The following DSG4 variants were observed in gnomAD, a reference collection of about 807,000 sequenced individuals.
DSG4 encodes the protein desmoglein-4.
Under a neutral mutation model 93.1 loss-of-function variants are expected in DSG4, and 87 were observed. The ratio of observed to expected loss-of-function variants is 0.93; its 90% confidence interval spans 0.79 to 1.12. DSG4 has a LOEUF of 1.12. Among genes scored for constraint, DSG4 ranks in the 50% most tolerant of loss-of-function variants. The pLI is 0.00. For missense variants in DSG4, 1,373 were observed against 1,285.7 expected, an observed-to-expected ratio of 1.07 and a Z score of -1.04; for synonymous variants, 432 against 452.9, an observed-to-expected ratio of 0.95 and a Z score of 0.59.
intron 7 of DSG4, 104 bp from the exon 8 acceptor site, chr18:31,392,051 A>G (rs1231024800): frequency 1.8e-6 from 2 of 1,100,872 alleles, no homozygotes; most frequent in African/African-American, 1.6e-5. Context: ...TGCAAAAATC[A>G]TCGACATAGT....
At position 31,413,264 on chromosome 18, in the gene DSG4, C is replaced by T. The variant is rs766664693; in HGVS notation, c.2792C>T (p.Pro931Leu). 3.7e-6 allele frequency: 6 copies of T among 1,613,984 alleles called. No homozygotes were observed. In the South Asian group the frequency reaches 5.5e-5, roughly 15 times the overall value. ...ATTATTTTTGATCCTCAGCTTGCAC[C>T]CAATGTTGTAGTAACCGAAGCAGTA... ...TTIIFDPQLA[P>L]NVVVTEAVMA... The change falls in exon 16 of 16, where the codon CCC becomes CTC. Residue 931 changes from proline to leucine, a missense_variant. Transcript: ENST00000308128.
intron 4 of DSG4, 25 bp from the exon 5 acceptor site, chr18:31,388,849 A>G (rs779152664): frequency 1.9e-6 from 3 of 1,613,136 alleles, no homozygotes; most frequent in African/African-American, 2.7e-5. Context: ...GTGGAAAAAG[A>G]TGGCTTTTTT....
At chr18:31,384,552 A>G (rs1268528418) in intron 1 of DSG4, among the ~76,000 whole-genome samples, 1 of 152,204 alleles carries the variant, frequency 6.6e-6, no homozygotes, top group African/African-American at 2.4e-5. Flanking sequence ...TTCAAGGAGT[A>G]ATAGGAGTAA....
intron 3 of DSG4, 129 bp downstream of exon 3, chr18:31,386,948 T>C (rs982980952): frequency 6.7e-5 from 97 of 1,445,142 alleles, no homozygotes; most frequent in Non-Finnish European, 9.0e-5. Flanking sequence ...TTTGCTCCAG[T>C]TGCTGAGCCA....
In DSG4 at chr18:31,413,513, G is replaced by A. The variant is rs1343786926; in HGVS notation, c.3041G>A (p.Gly1014Asp). 1 of 1,613,904 alleles carries A rather than the reference G, an allele frequency of 6.2e-7. No homozygotes were observed. The highest frequency in any genetic ancestry group is 8.5e-7 in the Non-Finnish European group (1 of 1,179,968). The change falls in exon 16 of 16, where the codon GGC becomes GAC. Residue 1014 changes from glycine to aspartate, a missense_variant. Physicochemically the swap from Gly to Asp is moderately conservative, Grantham distance 94 (BLOSUM62 -1). Transcript: ENST00000308128. ...ATGATGAGTCCAGACCTTCCCATAG[G>A]CCAAACCGTTGGCTCCACATCCCCC... ...MQMMSPDLPI[G>D]QTVGSTSPMT...
At chr18:31,412,532 T>C (rs369602291) in intron 15 of DSG4, among the ~76,000 whole-genome samples, 1 of 152,256 alleles carries the variant, frequency 6.6e-6, no homozygotes, top group East Asian at 1.9e-4. Flanking sequence ...TTATCTCATA[T>C]TTCAGTCGGC....
Position 31,390,636 on chromosome 18 carries a change from A to G in DSG4, c.518-20A>G. On this transcript the variant is annotated intron_variant, in intron 5 of 15. Transcript: ENST00000308128. ...ATTCTAAGAGTCCCAACCATTCTCC[A>G]CCTCCATTTCTATTTCTAGATACAT... 6.2e-7 allele frequency: 1 copy of G among 1,613,018 alleles called. No individual in the cohort carries two copies. Among genetic ancestry groups the G allele is most frequent in the African/African-American group, 1.3e-5 (1 of 74,966 alleles).
At chr18:31,407,029 G>T (rs896938100) in intron 12 of DSG4, among the ~76,000 whole-genome samples, 4 of 151,964 alleles carry the variant, frequency 2.6e-5, no homozygotes, top group Non-Finnish European at 5.9e-5. Context: ...ACCTGCCTTG[G>T]GCTCCCAAAG....
chr18:31,414,424 T>C lies in DSG4; in HGVS notation c.*829T>C, dbSNP rs1031487718. On this transcript the variant is annotated 3_prime_UTR_variant, in exon 16 of 16. Transcript: ENST00000308128. ...TGAAATATGGCTTAACCAATTTCAT[T>C]GACCTGAATCGTAGAGCTTTCAATT... 4 of 152,206 alleles carry C rather than the reference T, an allele frequency of 2.6e-5. No homozygotes were observed. Among genetic ancestry groups the C allele is most frequent in the African/African-American group, 4.8e-5 (2 of 41,462 alleles). The allele number at this position is 152,206 out of a possible 1,614,324, so 9.4% of individuals were successfully genotyped here.
At chr18:31,409,153 C>A (rs760324866) in intron 12 of DSG4, among the ~76,000 whole-genome samples, 1 of 152,134 alleles carries the variant, frequency 6.6e-6, no homozygotes, top group Non-Finnish European at 1.5e-5. Context: ...CCAACCAGTT[C>A]AAGAGTCTTA....
chr18:31,400,502 G>C (rs112451534), intron 9 of DSG4, among the ~76,000 whole-genome samples: 1 of 151,564 alleles, frequency 6.6e-6, no homozygotes, highest in Non-Finnish European at 1.5e-5. Context: ...CAACATAGCT[G>C]AAAAGCCACA....
intron 8 of DSG4, among the ~76,000 whole-genome samples, chr18:31,393,498 G>A (rs185724359): frequency 6.6e-6 from 1 of 152,284 alleles, no homozygotes; most frequent in East Asian, 1.9e-4. Flanking sequence ...AAGGGCAGTA[G>A]CAGAAGAGAG....
chr18:31,401,356 G>T (rs750619341), intron 10 of DSG4, among the ~76,000 whole-genome samples: 10 of 152,132 alleles, frequency 6.6e-5, no homozygotes, highest in Non-Finnish European at 1.5e-4. Context: ...TAAAGTAAGG[G>T]CTACGTGCTC....
rs1460597 is a variant in DSG4 at position 31,386,555 on chromosome 18, G to C, written c.85-133G>C. 1,003,763 of 1,344,086 alleles carry C rather than the reference G, an allele frequency of 0.75. 378,039 individuals are homozygous for C. Among genetic ancestry groups the C allele is most frequent in the East Asian group, 0.92 (36,319 of 39,614 alleles). 83.3% of individuals were successfully genotyped at this position (1,344,086 alleles called of 1,614,324 possible). Reference sequence around the variant, plus strand: ...ATCTATCTATCCAGAGTTGTGAATTGGTGAAAACATTCTCTGTTCTTCAAA... The same window carrying C: ...ATCTATCTATCCAGAGTTGTGAATTCGTGAAAACATTCTCTGTTCTTCAAA... On this transcript the variant is annotated intron_variant, in intron 2 of 15. Transcript: ENST00000308128.
chr18:31,413,554 A>G lies in DSG4; in HGVS notation c.3082A>G (p.Arg1028Gly), dbSNP rs1228209819. The change falls in exon 16 of 16, where the codon AGA becomes GGA. Residue 1028 changes from arginine (R) to glycine (G), a missense_variant. Physicochemically the swap from Arg to Gly is moderately radical, Grantham distance 125. Coordinates refer to ENST00000308128, the MANE Select transcript of DSG4 (RefSeq NM_177986.5). ...GSTSPMTSRH[R>G]VTRYSNIHYT... is the part of the protein sequence containing the mutation. Reference sequence around the variant, plus strand: ...CACATCCCCCATGACATCTCGACACAGAGTAACACGATACAGTAACATACA... The same window carrying G: ...CACATCCCCCATGACATCTCGACACGGAGTAACACGATACAGTAACATACA... 6.2e-7 allele frequency: 1 copy of G among 1,614,116 alleles called. No individual in the cohort carries two copies.
At chr18:31,392,397 T>C in intron 8 of DSG4, 57 bp downstream of exon 8, 1 of 1,560,932 alleles carries the variant, frequency 6.4e-7, no homozygotes, top group Non-Finnish European at 8.8e-7. Context: ...CAAAGAAGTT[T>C]TAAATGACCT....
chr18:31,384,328 G>GAA (rs71175776), intron 1 of DSG4, among the ~76,000 whole-genome samples: 1 of 151,966 alleles, frequency 6.6e-6, no homozygotes, highest in Admixed American at 6.6e-5. Flanking sequence ...CTAATTCAGA[G>GAA]AAAAATGTTT....
At chr18:31,397,224 T>A (rs1182907084) in intron 8 of DSG4, among the ~76,000 whole-genome samples, 3 of 152,226 alleles carry the variant, frequency 2.0e-5, no homozygotes, top group Non-Finnish European at 4.4e-5. Context: ...AATACATTTC[T>A]GGATGTGTTA....
intron 2 of DSG4, 94 bp downstream of exon 2, chr18:31,385,265 T>G (rs926500951): frequency 2.2e-6 from 2 of 920,830 alleles, no homozygotes; most frequent in African/African-American, 3.4e-5. Flanking sequence ...TATTTGAAAT[T>G]GTAATTATCC....
Sources: allele counts gnomAD v4.1 joint callset (sites outside exome capture counted in the v4.1 genomes callset), GRCh38; gene constraint gnomAD v4.1.1; transcripts MANE v1.5; gene names NCBI Gene and HGNC (gene_info 2026-07-23, HGNC 2026-07-21).